Variants in HEG1 observed in about 807,000 individuals in gnomAD.
HEG1 encodes heart development protein with EGF like domains 1.
A neutral mutation model predicts 125.6 loss-of-function variants in HEG1; 56 were observed. That is an observed-to-expected ratio of 0.45 (90% CI 0.36 to 0.56). The LOEUF (loss-of-function observed/expected upper bound fraction) is 0.56. Ranked by LOEUF, HEG1 falls within the 20% of genes least tolerant of loss-of-function variation. HEG1 has a pLI of 0.00. For missense variants in HEG1, 1,523 were observed against 1,670.0 expected, an observed-to-expected ratio of 0.91 and a Z score of 1.53; for synonymous variants, 644 against 668.5, an observed-to-expected ratio of 0.96 and a Z score of 0.57.
chr3:125,055,646 T>C lies in HEG1; in HGVS notation c.245A>G (p.Tyr82Cys). Residue 82 changes from tyrosine to cysteine, a missense_variant, in exon 1 of 17, where the codon TAC (tyrosine) becomes TGC (cysteine). Coordinates refer to ENST00000311127, the MANE Select transcript of HEG1 (RefSeq NM_020733.2). ...RRGPATPGPS[Y>C]RAPEPGAATQ... ...CGCGGCGCCTGGCTCAGGGGCCCTG[T>C]AGCTGGGGCCGGGGGTCGCGGGCCC... The C allele has an allele frequency of 6.7e-6, 8 of 1,187,942 alleles. No homozygotes were observed. Among genetic ancestry groups the C allele is most frequent in the Non-Finnish European group, 8.3e-6 (8 of 959,794 alleles). 73.6% of individuals were successfully genotyped at this position (1,187,942 alleles called of 1,614,324 possible).
At position 125,055,740 on chromosome 3, in the gene HEG1, C is replaced by T. The variant is rs1392934241; in HGVS notation, c.151G>A (p.Gly51Arg). The stretch of plus-strand genomic sequence containing the variant: ...CGGCGCTCCAGCTGCAGCTCCAGCC[C>T]CGCTCCCGCGAGGGGCGCCAGGCTC... ...ALSLAPLAGA[G>R]LELQLERRPE... is the part of the protein sequence containing the mutation. The change falls in exon 1 of 17, where the codon GGG (glycine) becomes AGG (arginine). Residue 51 changes from glycine to arginine, a missense_variant. Physicochemically the swap from Gly to Arg is moderately radical, Grantham distance 125 (BLOSUM62 -2). Transcript: ENST00000311127. 2.1e-5 allele frequency: 22 copies of T among 1,028,340 alleles called. No individual in the cohort carries two copies. Among genetic ancestry groups the T allele is most frequent in the Non-Finnish European group, 2.4e-5 (21 of 859,904 alleles). The allele number at this position is 1,028,340 out of a possible 1,614,324, so 63.7% of individuals were successfully genotyped here.
chr3:125,027,224 A>G lies in HEG1; in HGVS notation c.894T>C (p.Pro298=). 6.2e-7 allele frequency: 1 copy of G among 1,608,108 alleles called. No homozygotes were observed. The highest frequency in any genetic ancestry group is 8.5e-7 in the Non-Finnish European group (1 of 1,177,408). Residue 298 remains proline (P), a synonymous_variant, in exon 3 of 17, where the codon CCT becomes CCC. Transcript: ENST00000311127. ...LHFYRTAASS[P]LLDLSSSSES... is the part of the protein sequence containing the mutation. ...ACTCACATGAGGAAAGGTCTAAGAG[A>G]GGAGAGGAAGCTGCTGTCCTGTAGA...
chr3:125,011,030 A>G (rs1937150731), intron 6 of HEG1, among the ~76,000 whole-genome samples: 2 of 152,214 alleles, frequency 1.3e-5, no homozygotes, highest in Non-Finnish European at 2.9e-5. Context: ...TATCAAAATC[A>G]TAGTATCCTT....
intron 5 of HEG1, 112 bp from the exon 6 acceptor site, chr3:125,014,102 A>C: frequency 1.0e-6 from 1 of 997,794 alleles, no homozygotes; most frequent in Non-Finnish European, 1.4e-6. Context: ...CAAGTGGGTG[A>C]AACACTTGCT....
chr3:125,049,551 T>G (rs983985633), intron 1 of HEG1, among the ~76,000 whole-genome samples: 1 of 152,216 alleles, frequency 6.6e-6, no homozygotes, highest in African/African-American at 2.4e-5. Context: ...CAAGGGGACA[T>G]GCAGTCTTTA....
intron 5 of HEG1, among the ~76,000 whole-genome samples, chr3:125,017,366 T>A (rs1283346689): frequency 1.3e-5 from 2 of 152,220 alleles, no homozygotes. Context: ...TAAAGAACTC[T>A]TACAATTTAA....
chr3:124,998,125 C>T (rs1936950245), intron 11 of HEG1, among the ~76,000 whole-genome samples: 1 of 152,168 alleles, frequency 6.6e-6, no homozygotes, highest in Admixed American at 6.5e-5. Context: ...CCTGTTCACT[C>T]CTCTGGTGCT....
rs1291651397 is a variant in HEG1 at position 125,021,181 on chromosome 3, C to G, written c.914-51G>C. The G allele has an allele frequency of 3.7e-6, 5 of 1,369,774 alleles. No individual in the cohort carries two copies. In the East Asian group the frequency reaches 1.0e-4, roughly 28 times the overall value. 84.9% of individuals were successfully genotyped at this position (1,369,774 alleles called of 1,614,324 possible). ...AAATTACTCAGGAGTTTAAGAAAAT[C>G]CGGACTATATTCGAGATACAAATGA... On this transcript the variant is annotated intron_variant, in intron 3 of 16. Transcript: ENST00000311127.
intron 3 of HEG1, among the ~76,000 whole-genome samples, chr3:125,022,227 G>A (rs78601042): frequency 0.3 from 45,801 of 152,016 alleles, 8,562 homozygotes; most frequent in Middle Eastern, 0.45. Flanking sequence ...TTCTTTTTAG[G>A]CTAAAAATAA....
chr3:125,013,725 A>G lies in HEG1; in HGVS notation c.1854T>C (p.Tyr618=), dbSNP rs766468518. The change falls in exon 6 of 17, where the codon TAT becomes TAC. Residue 618 remains tyrosine, a synonymous_variant. Transcript: ENST00000311127. Reference sequence around the variant, plus strand: ...CTGGCGACTCAGTAGAAGGCTGAGCATATTCCCCGTCATAGGATGAGATGT... The same window carrying G: ...CTGGCGACTCAGTAGAAGGCTGAGCGTATTCCCCGTCATAGGATGAGATGT... ...RSNISSYDGE[Y]AQPSTESPVL... 1.2e-6 allele frequency: 2 copies of G among 1,614,050 alleles called. No individual in the cohort carries two copies. Among genetic ancestry groups the G allele is most frequent in the Non-Finnish European group, 1.7e-6 (2 of 1,179,894 alleles).
chr3:125,054,177 T>A (rs972792890), intron 1 of HEG1, among the ~76,000 whole-genome samples: 6 of 152,278 alleles, frequency 3.9e-5, no homozygotes, highest in African/African-American at 1.4e-4. Context: ...TTTTATGTTC[T>A]TGATTCCTTC....
At chr3:125,047,710 G>A (rs1230720778) in intron 1 of HEG1, among the ~76,000 whole-genome samples, 1 of 152,194 alleles carries the variant, frequency 6.6e-6, no homozygotes. Flanking sequence ...AAGGAAAATG[G>A]AGTGGTTTTC....
intron 14 of HEG1, among the ~76,000 whole-genome samples, chr3:124,988,778 G>A (rs1936785918): frequency 6.6e-6 from 1 of 152,168 alleles, no homozygotes; most frequent in Admixed American, 6.5e-5. Flanking sequence ...TTAGCTAGGT[G>A]TGGTGGTGCA....
chr3:125,054,236 A>T lies in HEG1; in HGVS notation c.316+1339T>A, dbSNP rs559167445. 2.6e-5 allele frequency among the ~76,000 whole-genome samples: 4 copies of T among 152,382 alleles called. No homozygotes were observed. The East Asian group carries it at 7.7e-4, about 29-fold the overall frequency. ...TATGCTGTAAGTAATCTAAAGTCAC[A>T]GTCACTCCGGGATGTGTCTCCTACA... On this transcript the variant is annotated intron_variant, in intron 1 of 16. Coordinates refer to ENST00000311127, the MANE Select transcript of HEG1 (RefSeq NM_020733.2).
At chr3:124,984,536 A>G (rs1257775553) in intron 14 of HEG1, among the ~76,000 whole-genome samples, 3 of 152,190 alleles carry the variant, frequency 2.0e-5, no homozygotes, top group African/African-American at 4.8e-5. Flanking sequence ...AGGCAGGTGG[A>G]TCACCTGAGT....
In HEG1 at chr3:125,002,250, T is replaced by C. The variant is rs1372679541; in HGVS notation, c.3356+7A>G. The C allele has an allele frequency of 1.9e-6, 3 of 1,609,964 alleles. No homozygotes were observed. In the South Asian group the frequency reaches 3.3e-5, roughly 18 times the overall value. On this transcript the variant is annotated splice_region_variant and intron_variant, in intron 10 of 16. Coordinates refer to ENST00000311127, the MANE Select transcript of HEG1 (RefSeq NM_020733.2). ...AGTTCACAAGCAAATATAATTCTGT[T>C]ACTTACCTAGAGGCGTGAACTGTAG...
At position 125,018,010 on chromosome 3, in the gene HEG1, C is replaced by T. The variant is rs371708952; in HGVS notation, c.1588+1252G>A. On this transcript the variant is annotated intron_variant, in intron 5 of 16. Coordinates refer to ENST00000311127, the MANE Select transcript of HEG1 (RefSeq NM_020733.2). ...TGCCACTGCACTCTAGCCTGGGCAA[C>T]AGAGAGAGACTCCATCTCAAAAAAA... Among the ~76,000 whole-genome samples the T allele has an allele frequency of 2.9e-4, 44 of 150,698 alleles. No homozygotes were observed. The East Asian group carries it at 8.1e-3, about 28-fold the overall frequency.
In HEG1 at chr3:124,971,020, C is replaced by T. The variant is rs998251685; in HGVS notation, c.3997-219G>A. On this transcript the variant is annotated intron_variant, in intron 16 of 16. Transcript: ENST00000311127. ...GTCCCAGCAACCATGCAGAAGGCAACTGATGCAAACGGAGGAACTGACCTT... is the reference window on the plus strand; with the variant it reads ...GTCCCAGCAACCATGCAGAAGGCAATTGATGCAAACGGAGGAACTGACCTT... 2.3e-5 allele frequency: 14 copies of T among 616,176 alleles called. No homozygotes were observed. In the Middle Eastern group the frequency reaches 7.8e-4, roughly 34 times the overall value. The allele number at this position is 616,176 out of a possible 1,614,324, so 38.2% of individuals were successfully genotyped here. A position where few individuals can be genotyped will look rare whatever the true frequency, so the allele number is the denominator to read the frequency against.
chr3:125,043,916 G>C (rs999929998), intron 1 of HEG1, among the ~76,000 whole-genome samples: 4 of 152,218 alleles, frequency 2.6e-5, no homozygotes, highest in Admixed American at 2.6e-4. Flanking sequence ...AAACGGGCCT[G>C]CTCCCAGGGG....
Sources: allele counts gnomAD v4.1 joint callset (sites outside exome capture counted in the v4.1 genomes callset), GRCh38; gene constraint gnomAD v4.1.1; transcripts MANE v1.5; gene names NCBI Gene and HGNC (gene_info 2026-07-23, HGNC 2026-07-21).